OTULINL: variants seen among roughly 807,000 people sequenced by gnomAD.
OTULINL encodes the protein inactive ubiquitin thioesterase OTULINL.
Under a neutral mutation model 43.9 loss-of-function variants are expected in OTULINL, and 42 were observed. The observed-to-expected ratio is 0.96, with a 90% confidence interval of 0.75 to 1.24. The LOEUF (loss-of-function observed/expected upper bound fraction) is 1.24, where lower values mean the gene tolerates loss of function less well. Ranked by LOEUF, OTULINL falls within the 50% of genes most tolerant of loss-of-function variation. OTULINL has a pLI of 0.00. For synonymous variants in OTULINL, 172 were observed against 153.6 expected (o/e 1.12, Z -0.88); for missense variants, 411 against 426.4 (o/e 0.96, Z 0.32).
chr5:14,602,771 T>C (rs986730553), intron 5 of OTULINL, among the ~76,000 whole-genome samples: 2 of 152,240 alleles, frequency 1.3e-5, no homozygotes, highest in Admixed American at 1.3e-4. Flanking sequence ...TCCAGTCCTC[T>C]GTCTCTCATG....
At position 14,611,351 on chromosome 5, in the gene OTULINL, C is replaced by T. The variant is rs923320854; in HGVS notation, c.*1037C>T. 6.6e-6 allele frequency: 1 copy of T among 152,032 alleles called. No homozygotes were observed. Among genetic ancestry groups the T allele is most frequent in the Admixed American group, 6.6e-5 (1 of 15,266 alleles). The allele number at this position is 152,032 out of a possible 1,614,324, so 9.4% of individuals were successfully genotyped here. A position where few individuals can be genotyped will look rare whatever the true frequency, so the allele number is the denominator to read the frequency against. On this transcript the variant is annotated 3_prime_UTR_variant, in exon 8 of 8. Coordinates refer to ENST00000274217, the MANE Select transcript of OTULINL (RefSeq NM_019018.3). ...GAGGGAATTGGAAGAGTGTCAGAGT[C>T]AGAGGGGAATGTGAAATATGGAAGA...
chr5:14,585,181 G>A (rs372731377), intron 1 of OTULINL, among the ~76,000 whole-genome samples: 2,002 of 152,102 alleles, frequency 0.013, 26 homozygotes, highest in South Asian at 0.021. Flanking sequence ...AAGGAAAAGA[G>A]GCCTGAGAGC....
At chr5:14,600,840 G>A in intron 1 of OTULINL, 125 bp from the exon 2 acceptor site, 1 of 848,662 alleles carries the variant, frequency 1.2e-6, no homozygotes, top group South Asian at 4.0e-5. Flanking sequence ...AAATATTTAT[G>A]TAAATCAGTG....
At chr5:14,603,587 G>A (rs547727592) in intron 5 of OTULINL, among the ~76,000 whole-genome samples, 1 of 152,252 alleles carries the variant, frequency 6.6e-6, no homozygotes, top group African/African-American at 2.4e-5. Flanking sequence ...ATGATGTTGA[G>A]CATTTTTCAT....
chr5:14,606,597 G>A (rs912273944), intron 5 of OTULINL, among the ~76,000 whole-genome samples: 2 of 152,170 alleles, frequency 1.3e-5, no homozygotes, highest in African/African-American at 4.8e-5. Context: ...GGAGGATGAG[G>A]CTAAGAAGTT....
intron 5 of OTULINL, among the ~76,000 whole-genome samples, chr5:14,605,527 T>C (rs1759459907): frequency 6.6e-6 from 1 of 152,214 alleles, no homozygotes; most frequent in South Asian, 2.1e-4. Context: ...GCAGCCAGCT[T>C]GTATTTCTCC....
Position 14,612,853 on chromosome 5 carries a change from G to GACATATTA in OTULINL, c.*2539_*2540insACATATTA, listed in dbSNP as rs1759604866. 6.6e-6 allele frequency: 1 copy of GACATATTA among 152,110 alleles called. No individual in the cohort carries two copies. Among genetic ancestry groups the GACATATTA allele is most frequent in the Non-Finnish European group, 1.5e-5 (1 of 68,016 alleles). The allele number at this position is 152,110 out of a possible 1,614,324, so 9.4% of individuals were successfully genotyped here. Reference sequence around the variant, plus strand: ...TTGGCCTTACGTGTCCATACTGAGGGGTTGTATGCATATTAGTACAAGGCT... The same window carrying GACATATTA: ...TTGGCCTTACGTGTCCATACTGAGGGACATATTAGTTGTATGCATATTAGTACAAGGCT... On this transcript the variant is annotated 3_prime_UTR_variant, in exon 8 of 8. Coordinates refer to ENST00000274217, the MANE Select transcript of OTULINL (RefSeq NM_019018.3).
At chr5:14,597,923 C>A (rs759992305) in intron 1 of OTULINL, among the ~76,000 whole-genome samples, 6 of 152,072 alleles carry the variant, frequency 3.9e-5, no homozygotes, top group Admixed American at 1.3e-4. Flanking sequence ...ATATCACAAT[C>A]TCTTGGATTG....
intron 2 of OTULINL, 25 bp from the exon 3 acceptor site, chr5:14,601,188 A>G: frequency 6.2e-7 from 1 of 1,611,958 alleles, no homozygotes. Flanking sequence ...GAATTCTGAT[A>G]TTATTGTTCC....
At position 14,601,196 on chromosome 5, in the gene OTULINL, T is replaced by C; in HGVS notation, c.225-17T>C. ...CAAAGCAGAATTCTGATATTATTGT[T>C]CCCTTTTATCTTTCAGGTGGATTGG... On this transcript the variant is annotated splice_polypyrimidine_tract_variant and intron_variant, in intron 2 of 7. Transcript: ENST00000274217. The C allele has an allele frequency of 6.2e-7, 1 of 1,612,020 alleles. No homozygotes were observed. The highest frequency in any genetic ancestry group is 8.5e-7 in the Non-Finnish European group (1 of 1,179,394).
rs893131887 is a variant in OTULINL, at chr5:14,612,092, A to G, written c.*1778A>G. 3.9e-5 allele frequency: 6 copies of G among 152,206 alleles called. No individual in the cohort carries two copies. Among genetic ancestry groups the G allele is most frequent in the African/African-American group, 1.4e-4 (6 of 41,454 alleles). 9.4% of individuals were successfully genotyped at this position (152,206 alleles called of 1,614,324 possible). A position where few individuals can be genotyped will look rare whatever the true frequency, so the allele number is the denominator to read the frequency against. On this transcript the variant is annotated 3_prime_UTR_variant, in exon 8 of 8. Coordinates refer to ENST00000274217, the MANE Select transcript of OTULINL (RefSeq NM_019018.3). ...CCTCTACAGTCCCTGCCTGTTTGGA[A>G]ACATCTATGGTTTTGTATAACCCCT...
chr5:14,598,759 A>G (rs1484523171), intron 1 of OTULINL, among the ~76,000 whole-genome samples: 17 of 152,342 alleles, frequency 1.1e-4, no homozygotes, highest in Admixed American at 6.5e-4. Context: ...TTATACTGAA[A>G]TATTATGCAT....
intron 1 of OTULINL, among the ~76,000 whole-genome samples, chr5:14,594,246 C>A (rs561237088): frequency 6.6e-6 from 1 of 152,280 alleles, no homozygotes; most frequent in South Asian, 2.1e-4. Flanking sequence ...TCCATGTGCT[C>A]CAAATTATTT....
At chr5:14,588,883 A>G (rs1239354327) in intron 1 of OTULINL, among the ~76,000 whole-genome samples, 3 of 152,202 alleles carry the variant, frequency 2.0e-5, no homozygotes, top group Non-Finnish European at 4.4e-5. Context: ...TCACTCACAC[A>G]GCAGTACCCA....
At chr5:14,590,104 T>C (rs1759174459) in intron 1 of OTULINL, among the ~76,000 whole-genome samples, 1 of 152,212 alleles carries the variant, frequency 6.6e-6, no homozygotes, top group Non-Finnish European at 1.5e-5. Context: ...TACTTTTAGT[T>C]GGATTACTTG....
In OTULINL at chr5:14,615,131, A is replaced by G. The variant is rs1221766565; in HGVS notation, c.*4817A>G. ...CTTGTTCACAAGTTTGAAAAGGTGC[A>G]TGAGGCACCAATCAGTGACACTGGA... On this transcript the variant is annotated 3_prime_UTR_variant, in exon 8 of 8. Coordinates refer to ENST00000274217, the MANE Select transcript of OTULINL (RefSeq NM_019018.3). 1 of 170,762 alleles carries G rather than the reference A, an allele frequency of 5.9e-6. No individual in the cohort carries two copies. 10.6% of individuals were successfully genotyped at this position (170,762 alleles called of 1,614,324 possible). A position where few individuals can be genotyped will look rare whatever the true frequency, so the allele number is the denominator to read the frequency against.
At chr5:14,586,031 C>T (rs1457370741) in intron 1 of OTULINL, among the ~76,000 whole-genome samples, 2 of 152,186 alleles carry the variant, frequency 1.3e-5, no homozygotes, top group Non-Finnish European at 2.9e-5. Flanking sequence ...GCTAAAACCT[C>T]CTAGCTTAGT....
rs1759069740 is a variant in OTULINL at position 14,584,386 on chromosome 5, G to C, written c.64+2428G>C. On this transcript the variant is annotated intron_variant, in intron 1 of 7. Coordinates refer to ENST00000274217, the MANE Select transcript of OTULINL (RefSeq NM_019018.3). ...GGAATAGGAATGCCCAGTGTGGAACGGCGCACCCACTCCAGCTATACTTGG... is the reference window on the plus strand; with the variant it reads ...GGAATAGGAATGCCCAGTGTGGAACCGCGCACCCACTCCAGCTATACTTGG... 2.6e-5 allele frequency among the ~76,000 whole-genome samples: 4 copies of C among 152,266 alleles called. No individual in the cohort carries two copies. The South Asian group carries it at 8.3e-4, about 32-fold the overall frequency.
Position 14,608,870 on chromosome 5 carries a change from A to G in OTULINL, c.750A>G (p.Gln250=). Residue 250 remains glutamine (Q), a synonymous_variant, in exon 7 of 8, where the codon CAA becomes CAG. Transcript: ENST00000274217. Reference sequence around the variant, plus strand: ...CTTTAAAGTTCATCATGCTGTATCAAGTCACTGAAGTTTATGAACAAATGA... The same window carrying G: ...CTTTAAAGTTCATCATGCTGTATCAGGTCACTGAAGTTTATGAACAAATGA... ...YEALKFIMLY[Q]VTEVYEQMKT... 1 of 1,614,202 alleles carries G rather than the reference A, an allele frequency of 6.2e-7. No homozygotes were observed. Among genetic ancestry groups the G allele is most frequent in the Non-Finnish European group, 8.5e-7 (1 of 1,180,036 alleles).
Sources: allele counts gnomAD v4.1 joint callset (sites outside exome capture counted in the v4.1 genomes callset), GRCh38; gene constraint gnomAD v4.1.1; transcripts MANE v1.5; gene names NCBI Gene and HGNC (gene_info 2026-07-23, HGNC 2026-07-21).